The following PGM1 variants were observed in gnomAD, a reference collection of about 807,000 sequenced individuals.
The protein encoded by PGM1 is phosphoglucomutase-1.
In PGM1, 52 loss-of-function variants were observed where a neutral mutation model predicts 55.6. The ratio of observed to expected loss-of-function variants is 0.94; its 90% CI spans 0.75 to 1.18. The LOEUF is 1.18. Ranked by LOEUF, PGM1 falls within the 50% of genes most tolerant of loss-of-function variation. The pLI is 0.00. For synonymous variants in PGM1, 287 were observed against 271.7 expected, an observed-to-expected ratio of 1.06 and a Z score of -0.55; for missense variants, 724 against 729.3, an observed-to-expected ratio of 0.99 and a Z score of 0.08.
rs577028656 is a variant in PGM1, at chr1:63,609,567, T to C, written c.246+15833T>C. On this transcript the variant is annotated intron_variant, in intron 1 of 10. Transcript: ENST00000371084. ...CTTACCATGGAATGATGAATTACAG[T>C]TGTCCAACTTTACAGTGGTGTAAAA... Among the ~76,000 whole-genome samples the C allele has an allele frequency of 4.6e-5, 7 of 152,274 alleles. No individual in the cohort carries two copies. In the East Asian group the frequency reaches 1.4e-3, roughly 29 times the overall value.
intron 1 of PGM1, among the ~76,000 whole-genome samples, chr1:63,624,253 G>GA (rs1465260920): frequency 0.054 from 4 of 74 alleles, no homozygotes; most frequent in African/African-American, 0.3. Context: ...GAAATGCTAG[G>GA]AGGGGTTGGA....
At chr1:63,638,102 G>T (rs2100990065) in intron 6 of PGM1, among the ~76,000 whole-genome samples, 1 of 152,334 alleles carries the variant, frequency 6.6e-6, no homozygotes, top group East Asian at 1.9e-4. Flanking sequence ...ACTAATCAGT[G>T]TGGGTGAAGC....
chr1:63,607,164 A>G (rs1048911194), intron 1 of PGM1, among the ~76,000 whole-genome samples: 1 of 152,158 alleles, frequency 6.6e-6, no homozygotes, highest in Non-Finnish European at 1.5e-5. Flanking sequence ...CCGTTAGTCT[A>G]CTTTCAGTCT....
intron 1 of PGM1, among the ~76,000 whole-genome samples, chr1:63,626,025 C>T (rs535937197): frequency 1.6e-4 from 25 of 152,260 alleles, no homozygotes; most frequent in African/African-American, 5.5e-4. Flanking sequence ...TTAAAGTTTA[C>T]TCCCTGCCAT....
At chr1:63,611,433 G>A (rs868251688) in intron 1 of PGM1, among the ~76,000 whole-genome samples, 12 of 152,206 alleles carry the variant, frequency 7.9e-5, no homozygotes, top group East Asian at 3.9e-4. Context: ...GAGGGAGGCC[G>A]CCGGTGACTC....
At chr1:63,605,458 C>G (rs1648394350) in intron 1 of PGM1, among the ~76,000 whole-genome samples, 1 of 152,138 alleles carries the variant, frequency 6.6e-6, no homozygotes, top group South Asian at 2.1e-4. Context: ...TGATGGCTAC[C>G]TTGAGACAGG....
chr1:63,633,286 C>T (rs969040331), intron 4 of PGM1, among the ~76,000 whole-genome samples: 6 of 152,164 alleles, frequency 3.9e-5, no homozygotes, highest in African/African-American at 1.4e-4. Context: ...ATTAGGGAAA[C>T]GAGAGGCCTG....
chr1:63,605,850 G>A (rs1212041294), intron 1 of PGM1, among the ~76,000 whole-genome samples: 3 of 152,160 alleles, frequency 2.0e-5, no homozygotes, highest in Non-Finnish European at 4.4e-5. Context: ...AGAATTACAG[G>A]TGTGAGCCAC....
chr1:63,597,675 C>A (rs1648119471), intron 1 of PGM1, among the ~76,000 whole-genome samples: 1 of 152,174 alleles, frequency 6.6e-6, no homozygotes, highest in Non-Finnish European at 1.5e-5. Context: ...CCAAGAGAAT[C>A]CCAACGAATT....
At chr1:63,649,902 C>T (rs1217030785) in intron 8 of PGM1, among the ~76,000 whole-genome samples, 1 of 152,080 alleles carries the variant, frequency 6.6e-6, no homozygotes, top group African/African-American at 2.4e-5. Flanking sequence ...TGTTTTTGTG[C>T]CCTAAGCACC....
At chr1:63,623,381 T>C (rs1275144550) in intron 1 of PGM1, 6 of 1,538,934 alleles carry the variant, frequency 3.9e-6, no homozygotes, top group African/African-American at 1.4e-5. Context: ...CTGTTGCAGC[T>C]TCAGGTTGGA....
chr1:63,621,560 A>G (rs538270135), intron 1 of PGM1, among the ~76,000 whole-genome samples: 22 of 152,354 alleles, frequency 1.4e-4, no homozygotes, highest in African/African-American at 5.0e-4. Context: ...CACAGAACTT[A>G]CAAAATAGGA....
At chr1:63,597,921 G>A (rs748001082) in intron 1 of PGM1, among the ~76,000 whole-genome samples, 7 of 152,030 alleles carry the variant, frequency 4.6e-5, no homozygotes, top group Non-Finnish European at 7.4e-5. Context: ...CTTTTGTCAC[G>A]GCTCCTTTGC....
chr1:63,624,136 G>C (rs1648960765), intron 1 of PGM1, among the ~76,000 whole-genome samples: 1 of 152,172 alleles, frequency 6.6e-6, no homozygotes, highest in East Asian at 1.9e-4. Flanking sequence ...GGAGAGAAGA[G>C]GATTTTGTTT....
intron 1 of PGM1, among the ~76,000 whole-genome samples, chr1:63,596,610 ACT>A (rs2100952075): frequency 6.6e-6 from 1 of 151,546 alleles, no homozygotes; most frequent in South Asian, 2.1e-4. Flanking sequence ...CACTCTCTCT[ACT>A]CACTCGGGAT....
intron 1 of PGM1, among the ~76,000 whole-genome samples, chr1:63,616,486 G>C (rs1440974894): frequency 6.6e-6 from 1 of 152,118 alleles, no homozygotes; most frequent in Non-Finnish European, 1.5e-5. Context: ...TCCCAGATGA[G>C]TACTTTTTAC....
chr1:63,640,754 C>G (rs1649494217), intron 7 of PGM1, among the ~76,000 whole-genome samples: 1 of 152,150 alleles, frequency 6.6e-6, no homozygotes, highest in African/African-American at 2.4e-5. Context: ...TCAGGTCCTT[C>G]CTTCTTCAGG....
At position 63,638,638 on chromosome 1, in the gene PGM1, C is replaced by T. The variant is rs367932425; in HGVS notation, c.1029-47C>T. On this transcript the variant is annotated intron_variant, in intron 6 of 10. Transcript: ENST00000371084. ...CCCTTTTCCGTCCCTCACATGGCCA[C>T]GCTAACAGTCCTGCTGTGATGTAAC... 1.6e-4 allele frequency: 214 copies of T among 1,298,418 alleles called. 2 individuals are homozygous for T. Among genetic ancestry groups the T allele is most frequent in the Non-Finnish European group, 2.0e-4 (182 of 891,786 alleles). 80.4% of individuals were successfully genotyped at this position (1,298,418 alleles called of 1,614,324 possible).
chr1:63,613,703 CT>C (rs56355869), intron 1 of PGM1, among the ~76,000 whole-genome samples: 18,611 of 121,492 alleles, frequency 0.15, 1,157 homozygotes, highest in African/African-American at 0.18. Context: ...TTCAATGTAT[CT>C]TTTTTTTTTT....
Sources: gnomAD v4.1 joint callset for allele counts (sites outside exome capture counted in the v4.1 genomes callset) on GRCh38, gnomAD v4.1.1 for gene constraint, MANE v1.5 for transcripts, NCBI Gene and HGNC (gene_info 2026-07-23, HGNC 2026-07-21) for gene names.